MRPS27: variants seen among roughly 807,000 people sequenced by gnomAD.
The protein encoded by MRPS27 is mitochondrial ribosomal protein S27.
A neutral mutation model predicts 48.9 loss-of-function variants in MRPS27; 43 were observed. That is an observed-to-expected ratio of 0.88 (90% CI 0.69 to 1.13). The LOEUF (loss-of-function observed/expected upper bound fraction) is 1.13. Ranked by LOEUF, MRPS27 falls within the 50% of genes most tolerant of loss-of-function variation. The pLI is 0.00. For synonymous variants in MRPS27, 188 were observed against 171.9 expected, an observed-to-expected ratio of 1.09 and a Z score of -0.73; for missense variants, 467 against 476.3, an observed-to-expected ratio of 0.98 and a Z score of 0.18.
In MRPS27 at chr5:72,298,712, C is replaced by CAAA. The variant is rs1259668404; in HGVS notation, c.152-1013_152-1011dup. Reference sequence around the variant, plus strand: ...TGGGAGACAGAGCGAGACTCCGTCTCAAAAAAAAAAACAAAAAAAAAAAAA... The same window carrying CAAA: ...TGGGAGACAGAGCGAGACTCCGTCTCAAAAAAAAAAAAAACAAAAAAAAAAAAA... On this transcript the variant is annotated intron_variant, in intron 2 of 10. Transcript: ENST00000261413. 4.1e-3 allele frequency among the ~76,000 whole-genome samples: 126 copies of CAAA among 30,418 alleles called. 7 individuals are homozygous for CAAA. The highest frequency in any genetic ancestry group is 7.3e-3 in the East Asian group (13 of 1,786). The allele number at this position is 30,418 out of a possible 152,430, so 20.0% of individuals were successfully genotyped here.
chr5:72,261,871 T>G (rs1018998327), intron 4 of MRPS27, among the ~76,000 whole-genome samples: 3 of 152,202 alleles, frequency 2.0e-5, no homozygotes, highest in Non-Finnish European at 4.4e-5. Flanking sequence ...TTGGTAGTGG[T>G]TGCCACATTG....
At chr5:72,245,838 TA>T (rs1440897820) in intron 4 of MRPS27, among the ~76,000 whole-genome samples, 6 of 152,182 alleles carry the variant, frequency 3.9e-5, no homozygotes, top group Non-Finnish European at 5.9e-5. Context: ...AGCTCAGTAC[TA>T]ATCAGGATTT....
intron 10 of MRPS27, 140 bp from the exon 11 acceptor site, chr5:72,221,288 G>A: frequency 2.8e-6 from 3 of 1,073,366 alleles, no homozygotes; most frequent in Middle Eastern, 2.4e-4. Context: ...TCATTCTAGT[G>A]GCCCAGAATG....
At chr5:72,235,823 A>G (rs1748187728) in intron 5 of MRPS27, among the ~76,000 whole-genome samples, 1 of 152,206 alleles carries the variant, frequency 6.6e-6, no homozygotes, top group African/African-American at 2.4e-5. Flanking sequence ...AGCAGGCACC[A>G]GAGGAATCTG....
chr5:72,306,343 G>A (rs1004854534), intron 2 of MRPS27, among the ~76,000 whole-genome samples: 1 of 152,206 alleles, frequency 6.6e-6, no homozygotes, highest in Admixed American at 6.5e-5. Flanking sequence ...ATCAAATGCT[G>A]TGTGCTTACT....
In MRPS27 at chr5:72,234,105, G is replaced by A. The variant is rs1176005035; in HGVS notation, c.475+14C>T. The A allele has an allele frequency of 6.0e-6, 9 of 1,493,114 alleles. No individual in the cohort carries two copies. The Middle Eastern group carries it at 5.3e-4, about 88-fold the overall frequency. The allele number at this position is 1,493,114 out of a possible 1,614,324, so 92.5% of individuals were successfully genotyped here. A position where few individuals can be genotyped will look rare whatever the true frequency, so the allele number is the denominator to read the frequency against. ...GAAGCCCTATAAACACTGAATCTGGGGTTAGTTTCTTACCTTTGTAATTTT... is the reference window on the plus strand; with the variant it reads ...GAAGCCCTATAAACACTGAATCTGGAGTTAGTTTCTTACCTTTGTAATTTT... On this transcript the variant is annotated intron_variant, in intron 6 of 10. Transcript: ENST00000261413.
intron 4 of MRPS27, among the ~76,000 whole-genome samples, chr5:72,254,405 AG>A (rs1320108508): frequency 2.6e-5 from 4 of 152,194 alleles, no homozygotes; most frequent in Non-Finnish European, 4.4e-5. Flanking sequence ...AAGGGATGGA[AG>A]AAAAAAGAGA....
intron 4 of MRPS27, among the ~76,000 whole-genome samples, chr5:72,274,619 T>C (rs1749326663): frequency 6.6e-6 from 1 of 152,240 alleles, no homozygotes; most frequent in African/African-American, 2.4e-5. Context: ...AAATGTATAA[T>C]ATAGTAAATA....
At chr5:72,266,835 G>C (rs1293085195) in intron 4 of MRPS27, among the ~76,000 whole-genome samples, 1 of 152,086 alleles carries the variant, frequency 6.6e-6, no homozygotes, top group African/African-American at 2.4e-5. Context: ...ACTCCAGCCT[G>C]GGTGACAGAG....
chr5:72,238,399 GA>G (rs1364385845), intron 4 of MRPS27, among the ~76,000 whole-genome samples: 1 of 152,144 alleles, frequency 6.6e-6, no homozygotes, highest in Non-Finnish European at 1.5e-5. Flanking sequence ...ATAGATTTAT[GA>G]AAAATGATTT....
chr5:72,223,812 T>G lies in MRPS27; in HGVS notation c.876A>C (p.Ser292=). 6.2e-7 allele frequency: 1 copy of G among 1,613,976 alleles called. No individual in the cohort carries two copies. Among genetic ancestry groups the G allele is most frequent in the Non-Finnish European group, 8.5e-7 (1 of 1,179,936 alleles). The change falls in exon 10 of 11, where the codon TCA becomes TCC. Residue 292 remains serine (S), a synonymous_variant. Coordinates refer to ENST00000261413, the MANE Select transcript of MRPS27 (RefSeq NM_015084.3). ...VLGAVLKALT[S]ADGASEEQSQ... Reference sequence around the variant, plus strand: ...ACTGCTCCTCTGAAGCCCCATCAGCTGAAGTCAGAGCCTTCAGCACTGCAC... The same window carrying G: ...ACTGCTCCTCTGAAGCCCCATCAGCGGAAGTCAGAGCCTTCAGCACTGCAC...
chr5:72,281,583 C>A (rs911062360), intron 4 of MRPS27, among the ~76,000 whole-genome samples: 8 of 152,186 alleles, frequency 5.3e-5, no homozygotes, highest in African/African-American at 1.7e-4. Context: ...TTGGGACAGG[C>A]CTTAAAACAC....
intron 4 of MRPS27, among the ~76,000 whole-genome samples, chr5:72,263,807 T>G (rs1749042019): frequency 6.6e-6 from 1 of 152,062 alleles, no homozygotes; most frequent in South Asian, 2.1e-4. Context: ...AGTAAAATGG[T>G]GCAGCTGGCC....
chr5:72,225,724 A>G (rs6889892), intron 9 of MRPS27, among the ~76,000 whole-genome samples: 117,635 of 151,818 alleles, frequency 0.77, 46,172 homozygotes, highest in African/African-American at 0.89. Context: ...TGGTATTACA[A>G]AAACACCAAA....
intron 4 of MRPS27, among the ~76,000 whole-genome samples, chr5:72,251,223 G>A (rs1748656573): frequency 1.3e-5 from 2 of 152,198 alleles, no homozygotes; most frequent in South Asian, 4.1e-4. Context: ...ACAGTAGGAA[G>A]AACTGGGTCA....
chr5:72,250,947 C>T (rs1294190032), intron 4 of MRPS27, among the ~76,000 whole-genome samples: 3 of 152,078 alleles, frequency 2.0e-5, no homozygotes, highest in African/African-American at 2.4e-5. Flanking sequence ...AGGATTCTAA[C>T]CGGTAAAAGT....
chr5:72,261,467 C>T (rs1009363140), intron 4 of MRPS27, among the ~76,000 whole-genome samples: 1 of 151,358 alleles, frequency 6.6e-6, no homozygotes, highest in Non-Finnish European at 1.5e-5. Context: ...CCAGGCTGAT[C>T]TCGAGGAAAC....
chr5:72,275,324 A>G (rs914928259), intron 4 of MRPS27, among the ~76,000 whole-genome samples: 1 of 152,156 alleles, frequency 6.6e-6, no homozygotes, highest in Non-Finnish European at 1.5e-5. Context: ...ACTAACAAGC[A>G]AAGTGAAGGA....
At chr5:72,237,488 C>T (rs1055598426) in intron 5 of MRPS27, among the ~76,000 whole-genome samples, 1 of 152,134 alleles carries the variant, frequency 6.6e-6, no homozygotes, top group African/African-American at 2.4e-5. Context: ...ATAGTTCAAA[C>T]TAGTGTTTAG....
Sources: gnomAD v4.1 joint callset for allele counts (sites outside exome capture counted in the v4.1 genomes callset) on GRCh38, gnomAD v4.1.1 for gene constraint, MANE v1.5 for transcripts, NCBI Gene and HGNC (gene_info 2026-07-23, HGNC 2026-07-21) for gene names.